The following CCDC85A variants were observed in gnomAD, a reference collection of about 807,000 sequenced individuals.
CCDC85A encodes coiled-coil domain containing 85A, also known as coiled-coil domain-containing protein 85A.
CCDC85A carries 38 observed loss-of-function variants against 50.2 expected under a neutral mutation model. The observed-to-expected ratio is 0.76, with a 90% CI of 0.58 to 0.99. The LOEUF is 0.99. Ranked by LOEUF, CCDC85A falls within the 50% of genes least tolerant of loss-of-function variation. The pLI, the probability that CCDC85A is intolerant of heterozygous loss-of-function variation, is 0.00. For missense variants in CCDC85A, 820 were observed against 742.0 expected (o/e 1.11, Z -1.22); for synonymous variants, 366 against 301.4 (o/e 1.21, Z -2.22).
At chr2:56,379,670 G>A (rs1002216574) in intron 5 of CCDC85A, 2 of 281,212 alleles carry the variant, frequency 7.1e-6, no homozygotes. Flanking sequence ...GTTTTACAAA[G>A]TGGAGCTCCT....
intron 2 of CCDC85A, among the ~76,000 whole-genome samples, chr2:56,254,707 GA>G (rs1669908118): frequency 6.6e-6 from 1 of 152,162 alleles, no homozygotes; most frequent in African/African-American, 2.4e-5. Context: ...TACTATAAGG[GA>G]AAAATATAGG....
intron 3 of CCDC85A, among the ~76,000 whole-genome samples, chr2:56,343,957 C>T (rs1674503555): frequency 6.6e-6 from 1 of 152,132 alleles, no homozygotes; most frequent in Non-Finnish European, 1.5e-5. Flanking sequence ...TACTTTTGCT[C>T]ATTAGTGATG....
At chr2:56,344,301 G>A (rs1336070842) in intron 3 of CCDC85A, among the ~76,000 whole-genome samples, 2 of 152,188 alleles carry the variant, frequency 1.3e-5, no homozygotes, top group African/African-American at 4.8e-5. Flanking sequence ...GCACTGAGAT[G>A]CTGTGACCAT....
At chr2:56,314,439 A>G (rs1307493661) in intron 2 of CCDC85A, among the ~76,000 whole-genome samples, 1 of 151,986 alleles carries the variant, frequency 6.6e-6, no homozygotes, top group Non-Finnish European at 1.5e-5. Context: ...TTTGCAACGT[A>G]TGACTTGTGT....
chr2:56,281,725 G>A (rs755978621), intron 2 of CCDC85A, among the ~76,000 whole-genome samples: 3 of 151,960 alleles, frequency 2.0e-5, no homozygotes, highest in African/African-American at 4.8e-5. Context: ...GTCTGTTCAT[G>A]GATTTTGCCT....
intron 2 of CCDC85A, among the ~76,000 whole-genome samples, chr2:56,288,988 A>G (rs762252942): frequency 1.4e-4 from 21 of 152,192 alleles, no homozygotes; most frequent in South Asian, 4.1e-4. Context: ...TGGCAGTAAG[A>G]GTTTCAATAA....
At chr2:56,259,481 C>G (rs1218190514) in intron 2 of CCDC85A, among the ~76,000 whole-genome samples, 1 of 152,202 alleles carries the variant, frequency 6.6e-6, no homozygotes, top group Non-Finnish European at 1.5e-5. Context: ...AATGTGCCCA[C>G]TGGGAGCTTC....
chr2:56,283,558 A>G (rs1157683754), intron 2 of CCDC85A, among the ~76,000 whole-genome samples: 1 of 152,136 alleles, frequency 6.6e-6, no homozygotes, highest in Non-Finnish European at 1.5e-5. Context: ...TTTATGATGA[A>G]TTCTGATATG....
chr2:56,218,400 T>A (rs541548938), intron 2 of CCDC85A, among the ~76,000 whole-genome samples: 1 of 151,966 alleles, frequency 6.6e-6, no homozygotes, highest in East Asian at 1.9e-4. Flanking sequence ...ACGCTTAAAA[T>A]TCAAGAAGAT....
At chr2:56,284,677 T>C (rs1265613569) in intron 2 of CCDC85A, among the ~76,000 whole-genome samples, 1 of 152,162 alleles carries the variant, frequency 6.6e-6, no homozygotes, top group Non-Finnish European at 1.5e-5. Flanking sequence ...CCAGCCCAAA[T>C]CTTCTAAATC....
At chr2:56,240,706 A>T (rs1159375911) in intron 2 of CCDC85A, among the ~76,000 whole-genome samples, 1 of 152,136 alleles carries the variant, frequency 6.6e-6, no homozygotes, top group East Asian at 1.9e-4. Context: ...TTTAAGGTTC[A>T]CTGATGTCGC....
intron 3 of CCDC85A, among the ~76,000 whole-genome samples, chr2:56,358,133 G>A (rs1156688045): frequency 1.3e-5 from 2 of 152,106 alleles, no homozygotes; most frequent in South Asian, 4.1e-4. Context: ...GATAATCTGT[G>A]AAAATGACAC....
chr2:56,335,112 A>G (rs1228470791), intron 2 of CCDC85A, among the ~76,000 whole-genome samples: 2 of 152,222 alleles, frequency 1.3e-5, no homozygotes, highest in Non-Finnish European at 2.9e-5. Flanking sequence ...TTTTTTTAAA[A>G]TAAGAAAAGC....
intron 2 of CCDC85A, among the ~76,000 whole-genome samples, chr2:56,249,344 C>A (rs946554375): frequency 6.6e-6 from 1 of 152,336 alleles, no homozygotes; most frequent in East Asian, 1.9e-4. Flanking sequence ...TGCTCCCATC[C>A]CTTGCCAGGG....
rs186508371 is a variant in CCDC85A at position 56,270,011 on chromosome 2, G to C, written c.1241-72868G>C. ...GTAGTGGCATTGCCAAGCTGAGTGA[G>C]TGTCAGATTCATTTTGTGTAGAAAT... On this transcript the variant is annotated intron_variant, in intron 2 of 5. Transcript: ENST00000407595. Among the ~76,000 whole-genome samples the C allele has an allele frequency of 5.3e-5, 8 of 152,352 alleles. No individual in the cohort carries two copies. The East Asian group carries it at 1.2e-3, about 22-fold the overall frequency.
At chr2:56,247,090 A>T (rs562911232) in intron 2 of CCDC85A, among the ~76,000 whole-genome samples, 1 of 152,266 alleles carries the variant, frequency 6.6e-6, no homozygotes, top group African/African-American at 2.4e-5. Context: ...GTCCCCTCAA[A>T]ATGTGGTTAT....
At chr2:56,289,173 C>T (rs1002102956) in intron 2 of CCDC85A, among the ~76,000 whole-genome samples, 1 of 152,162 alleles carries the variant, frequency 6.6e-6, no homozygotes, top group African/African-American at 2.4e-5. Context: ...TATCAGCTGA[C>T]TTCAGATTCA....
chr2:56,192,801 G>A lies in CCDC85A; in HGVS notation c.601G>A (p.Ala201Thr). 3.1e-6 allele frequency: 5 copies of A among 1,613,212 alleles called. No individual in the cohort carries two copies. The highest frequency in any genetic ancestry group is 2.2e-5 in the South Asian group (2 of 91,012). ...CCTGTGCCAACTCACAGCCTCCACCGCACCCTACGTGCGGGATGTGGGTGA... is the reference window on the plus strand; with the variant it reads ...CCTGTGCCAACTCACAGCCTCCACCACACCCTACGTGCGGGATGTGGGTGA... The part of the protein sequence containing the change: ...ASLCQLTAST[A>T]PYVRDVGDGS... The change falls in exon 2 of 6, where the codon GCA becomes ACA. Residue 201 changes from alanine (A) to threonine (T), a missense_variant. Transcript: ENST00000407595. The surrounding 1 kb of genome is among the most constrained non-coding windows in gnomAD (Gnocchi z 4.7).
chr2:56,366,342 A>G (rs949063755), intron 3 of CCDC85A, among the ~76,000 whole-genome samples: 6 of 152,188 alleles, frequency 3.9e-5, no homozygotes, highest in African/African-American at 9.7e-5. Context: ...ACTGTTTTCC[A>G]TAATAGCTAT....
Sources: allele counts gnomAD v4.1 joint callset (sites outside exome capture counted in the v4.1 genomes callset), GRCh38; gene constraint gnomAD v4.1.1; non-coding constraint Gnocchi (gnomAD v3.1); transcripts MANE v1.5; gene names NCBI Gene and HGNC (gene_info 2026-07-23, HGNC 2026-07-21).